ZHX3: variants seen among roughly 807,000 people sequenced by gnomAD.
ZHX3 encodes zinc fingers and homeoboxes 3.
Under a neutral mutation model 64.5 loss-of-function variants are expected in ZHX3, and 20 were observed. The ratio of observed to expected loss-of-function variants is 0.31; its 90% CI spans 0.22 to 0.45. The LOEUF is 0.45. Among genes scored for constraint, ZHX3 ranks in the 20% least tolerant of loss-of-function variants. The pLI is 1.00. For synonymous variants in ZHX3, 423 were observed against 461.6 expected (o/e 0.92, Z 1.07); for missense variants, 1,041 against 1,195.8 (o/e 0.87, Z 1.91).
At chr20:41,235,031 AT>A (rs779499495) in intron 2 of ZHX3, among the ~76,000 whole-genome samples, 1 of 152,224 alleles carries the variant, frequency 6.6e-6, no homozygotes, top group Non-Finnish European at 1.5e-5. Context: ...TAGTTCACTT[AT>A]CCCCATGCCA....
intron 2 of ZHX3, among the ~76,000 whole-genome samples, chr20:41,236,502 C>T (rs377142513): frequency 6.6e-6 from 1 of 152,076 alleles, no homozygotes; most frequent in African/African-American, 2.4e-5. Flanking sequence ...ACAAACCTGA[C>T]AAAAACAAGA....
chr20:41,310,282 G>A (rs1377592249), intron 1 of ZHX3, among the ~76,000 whole-genome samples: 5 of 152,260 alleles, frequency 3.3e-5, no homozygotes, highest in Admixed American at 2.0e-4. Context: ...TGGAGATCAT[G>A]GACATTGTCT....
At chr20:41,193,348 T>C (rs2146153617) in intron 3 of ZHX3, among the ~76,000 whole-genome samples, 1 of 152,380 alleles carries the variant, frequency 6.6e-6, no homozygotes, top group Admixed American at 6.5e-5. Flanking sequence ...TTTTGTTGTT[T>C]TCAAGATACA....
intron 2 of ZHX3, chr20:41,267,443 T>C (rs1360192674): frequency 6.6e-6 from 1 of 152,228 alleles, no homozygotes; most frequent in Non-Finnish European, 1.5e-5. Flanking sequence ...TCTTCATTCA[T>C]TCACCCAACA....
chr20:41,204,584 G>A lies in ZHX3; in HGVS notation c.333C>T (p.Cys111=). The change falls in exon 3 of 4, where the codon TGC becomes TGT. Residue 111 remains cysteine (C), a synonymous_variant. Transcript: ENST00000683867. The surrounding 1 kb of genome is among the most constrained non-coding windows in gnomAD (Gnocchi z 6.6). Reference sequence around the variant, plus strand: ...TTTTTGCCAGAAAACTGCACCCACTGCATACAAAGGTTGGGTCTTTATTAA... The same window carrying A: ...TTTTTGCCAGAAAACTGCACCCACTACATACAAAGGTTGGGTCTTTATTAA... ...TDFNKDPTFV[C]SGCSFLAKTP... is the part of the protein sequence containing the mutation. 1 of 1,614,234 alleles carries A rather than the reference G, an allele frequency of 6.2e-7. No homozygotes were observed. Among genetic ancestry groups the A allele is most frequent in the Non-Finnish European group, 8.5e-7 (1 of 1,180,036 alleles).
At chr20:41,223,417 T>C (rs1029658113) in intron 2 of ZHX3, among the ~76,000 whole-genome samples, 3 of 152,194 alleles carry the variant, frequency 2.0e-5, no homozygotes, top group Non-Finnish European at 4.4e-5. Context: ...TAATCACTCA[T>C]CAACAGGAGA....
rs761668450 is a variant in ZHX3, at chr20:41,204,343, C to T, written c.574G>A (p.Gly192Ser). Residue 192 changes from glycine (G) to serine (S), a missense_variant, in exon 3 of 4, where the codon GGC (glycine) becomes AGC (serine). Physicochemically the swap from Gly to Ser is moderately conservative, Grantham distance 56. Coordinates refer to ENST00000683867, the MANE Select transcript of ZHX3 (RefSeq NM_001384317.1). This position sits in a 1 kb window ranked among gnomAD's most constrained non-coding sequence, Gnocchi z 6.6. Reference sequence around the variant, plus strand: ...TGAATTTTTTTGGCTTCAGCTTTGCCTTTCATTATCTTCATGATTGGAGTT... The same window carrying T: ...TGAATTTTTTTGGCTTCAGCTTTGCTTTTCATTATCTTCATGATTGGAGTT... ...TKTPIMKIMK[G>S]KAEAKKIHTL... The T allele has an allele frequency of 1.2e-6, 2 of 1,614,210 alleles. No individual in the cohort carries two copies. Among genetic ancestry groups the T allele is most frequent in the Non-Finnish European group, 8.5e-7 (1 of 1,180,042 alleles).
intron 3 of ZHX3, among the ~76,000 whole-genome samples, chr20:41,191,010 C>A (rs776942427): frequency 3.3e-5 from 5 of 152,168 alleles, no homozygotes; most frequent in African/African-American, 7.2e-5. Flanking sequence ...ATAGAGAATA[C>A]CTTTTTGCAC....
At chr20:41,230,631 CAT>C (rs1465681707) in intron 2 of ZHX3, among the ~76,000 whole-genome samples, 1 of 152,110 alleles carries the variant, frequency 6.6e-6, no homozygotes, top group Non-Finnish European at 1.5e-5. Context: ...ATATCAATTA[CAT>C]GTTAAAATAT....
At chr20:41,276,835 C>T (rs2146662983) in intron 1 of ZHX3, among the ~76,000 whole-genome samples, 1 of 152,224 alleles carries the variant, frequency 6.6e-6, no homozygotes, top group East Asian at 1.9e-4. Flanking sequence ...TTTTAAATAG[C>T]CAAAACCTGG....
chr20:41,190,333 CCTGG>C (rs768511830), intron 3 of ZHX3, among the ~76,000 whole-genome samples: 29 of 152,078 alleles, frequency 1.9e-4, no homozygotes, highest in Non-Finnish European at 3.1e-4. Context: ...TGCCACCATG[CCTGG>C]CTAATTTTGT....
At chr20:41,284,475 G>A (rs921080010) in intron 1 of ZHX3, among the ~76,000 whole-genome samples, 1 of 151,990 alleles carries the variant, frequency 6.6e-6, no homozygotes, top group African/African-American at 2.4e-5. Flanking sequence ...TCCCTATGTT[G>A]CCCATCTCAG....
chr20:41,222,948 T>C (rs1242755792), intron 2 of ZHX3, among the ~76,000 whole-genome samples: 2 of 151,756 alleles, frequency 1.3e-5, no homozygotes, highest in South Asian at 2.1e-4. Context: ...AAATTCTCTC[T>C]GGCTGACCAC....
In ZHX3 at chr20:41,308,340, G is replaced by A. The variant is rs564283767; in HGVS notation, c.-245+9169C>T. Among the ~76,000 whole-genome samples the A allele has an allele frequency of 6.6e-5, 10 of 152,306 alleles. No homozygotes were observed. The South Asian group carries it at 2.1e-3, about 32-fold the overall frequency. On this transcript the variant is annotated intron_variant, in intron 1 of 3. Transcript: ENST00000683867. ...TCCCTGTAGTTCACTGAGGAGAGGA[G>A]ACAGTGACTGGAAGGATGTGGTAGG...
At chr20:41,280,031 G>A (rs916457172) in intron 1 of ZHX3, among the ~76,000 whole-genome samples, 1 of 152,108 alleles carries the variant, frequency 6.6e-6, no homozygotes, top group African/African-American at 2.4e-5. Context: ...TCAGCTGTGG[G>A]GGAACCACCC....
chr20:41,238,597 A>G (rs1465963448), intron 2 of ZHX3: 1 of 152,186 alleles, frequency 6.6e-6, no homozygotes, highest in Non-Finnish European at 1.5e-5. Flanking sequence ...CAAATTCAGT[A>G]TTTTTAGTAT....
At chr20:41,303,617 C>A (rs951332631) in intron 1 of ZHX3, among the ~76,000 whole-genome samples, 2 of 152,198 alleles carry the variant, frequency 1.3e-5, no homozygotes, top group Non-Finnish European at 2.9e-5. Context: ...CCTCTTTCCA[C>A]ACAGTCAAAT....
Position 41,204,830 on chromosome 20 carries a change from G to A in ZHX3, c.87C>T (p.Pro29=), listed in dbSNP as rs369508877. 3.7e-5 allele frequency: 59 copies of A among 1,605,498 alleles called. No homozygotes were observed. In the Admixed American group the frequency reaches 4.9e-4, roughly 13 times the overall value. The change falls in exon 3 of 4, where the codon CCC becomes CCT. Residue 29 remains proline, a synonymous_variant. Transcript: ENST00000683867. This position sits in a 1 kb window ranked among gnomAD's most constrained non-coding sequence, Gnocchi z 6.6. The part of the protein sequence containing the change: ...VLQDASMEAQ[P]AETLPEGPQQ... ...GGGGTCCTTCAGGCAAGGTCTCAGC[G>A]GGCTGGGCCTCCATGCTGGCATCTT...
rs2036268421 is a variant in ZHX3 at position 41,181,996 on chromosome 20, G to C, written c.*3195C>G. On this transcript the variant is annotated 3_prime_UTR_variant, in exon 4 of 4. Coordinates refer to ENST00000683867, the MANE Select transcript of ZHX3 (RefSeq NM_001384317.1). ...GGCCCTGGCAAGCCATCCAACTAGG[G>C]CGTTCTTTTTCAGGAACCCAAGATT... The C allele has an allele frequency of 6.6e-6, 1 of 152,150 alleles. No individual in the cohort carries two copies. Among genetic ancestry groups the C allele is most frequent in the Non-Finnish European group, 1.5e-5 (1 of 68,040 alleles). 9.4% of individuals were successfully genotyped at this position (152,150 alleles called of 1,614,324 possible). A position where few individuals can be genotyped will look rare whatever the true frequency, so the allele number is the denominator to read the frequency against.
Sources: gnomAD v4.1 joint callset for allele counts (sites outside exome capture counted in the v4.1 genomes callset) on GRCh38, gnomAD v4.1.1 for gene constraint, Gnocchi (gnomAD v3.1) non-coding constraint, MANE v1.5 for transcripts, NCBI Gene and HGNC (gene_info 2026-07-23, HGNC 2026-07-21) for gene names.